The following PKD1 variants were observed in gnomAD, a reference collection of about 807,000 sequenced individuals.
PKD1 encodes polycystin-1.
A neutral mutation model predicts 361.7 loss-of-function variants in PKD1; 81 were observed. The ratio of observed to expected loss-of-function variants is 0.22; its 90% CI spans 0.19 to 0.27. The LOEUF is 0.27. Among genes scored for constraint, PKD1 ranks in the 10% least tolerant of loss-of-function variants. The pLI, the probability that PKD1 is intolerant of heterozygous loss-of-function variation, is 1.00. For missense variants in PKD1, 6,399 were observed against 6,118.3 expected, an observed-to-expected ratio of 1.05 and a Z score of -1.53; for synonymous variants, 3,615 against 2,818.3, an observed-to-expected ratio of 1.28 and a Z score of -8.95.
intron 1 of PKD1, among the ~76,000 whole-genome samples, chr16:2,133,406 C>A (rs932867912): frequency 6.8e-5 from 10 of 147,914 alleles, no homozygotes; most frequent in Admixed American, 4.7e-4. Context: ...CCTGCGTGAG[C>A]CCCCCAGGAA....
At chr16:2,130,908 G>A (rs551113448) in intron 1 of PKD1, among the ~76,000 whole-genome samples, 52 of 152,328 alleles carry the variant, frequency 3.4e-4, no homozygotes, top group Non-Finnish European at 5.9e-4. Flanking sequence ...TTGCGAGACA[G>A]CAGCAGACCC....
In PKD1 at chr16:2,090,686, C is replaced by T. The variant is rs758547554; in HGVS notation, c.12126G>A (p.Gln4042=). The change falls in exon 44 of 46, where the codon CAG becomes CAA. Residue 4042 remains glutamine (Q), a synonymous_variant. Transcript: ENST00000262304. ...GLVVLGVAYA[Q]LAILLVSSCV... ...CGCAGTCACCTACCAGGATGGCCAG[C>T]TGGGCGTAGGCTACCCCGAGCACCA... 7.4e-6 allele frequency: 12 copies of T among 1,612,158 alleles called. No homozygotes were observed. The highest frequency in any genetic ancestry group is 2.7e-5 in the African/African-American group (2 of 74,922).
intron 23 of PKD1, 117 bp from the exon 24 acceptor site, chr16:2,103,087 C>G (rs909638626): frequency 6.1e-6 from 8 of 1,317,912 alleles, no homozygotes; most frequent in Non-Finnish European, 2.1e-6. Context: ...ATAGGAGCCT[C>G]TGCACCAGAG....
Position 2,133,991 on chromosome 16 carries a change from G to A in PKD1, c.215+1484C>T, listed in dbSNP as rs578046392. On this transcript the variant is annotated intron_variant, in intron 1 of 45. Coordinates refer to ENST00000262304, the MANE Select transcript of PKD1 (RefSeq NM_001009944.3). ...CAGCTCCTGAGGGGCTGCTCTCATG[G>A]ACACCATCAGGTGCTGGGAAGCAGG... Among the ~76,000 whole-genome samples the A allele has an allele frequency of 1.2e-4, 18 of 149,088 alleles. 1 individual carries two copies. In the South Asian group the frequency reaches 3.7e-3, roughly 31 times the overall value.
rs141274774 is a variant in PKD1, at chr16:2,111,112, C to T, written c.4055G>A (p.Ser1352Asn). Reference protein sequence around the residue: ...CPTVTHNFTRSGTFPLALVLS... With the variant: ...CPTVTHNFTRNGTFPLALVLS... Reference sequence around the variant, plus strand: ...CACCAGCGCCAGGGGGAACGTGCCGCTCCGCGTGAAGTTGTGTGTCACCGT... The same window carrying T: ...CACCAGCGCCAGGGGGAACGTGCCGTTCCGCGTGAAGTTGTGTGTCACCGT... The change falls in exon 15 of 46, where the codon AGC (serine) becomes AAC (asparagine). Residue 1352 changes from serine (S) to asparagine (N), a missense_variant. Physicochemically the swap from Ser to Asn is conservative, Grantham distance 46. Coordinates refer to ENST00000262304, the MANE Select transcript of PKD1 (RefSeq NM_001009944.3). The T allele has an allele frequency of 1.1e-3, 1,709 of 1,610,832 alleles. 2 individuals carry two copies. The highest frequency in any genetic ancestry group is 1.4e-3 in the Non-Finnish European group (1,609 of 1,179,778).
At position 2,104,622 on chromosome 16, in the gene PKD1, T is replaced by C. The variant is rs139752541; in HGVS notation, c.8037A>G (p.Val2679=). 2,689 of 1,575,952 alleles carry C rather than the reference T, an allele frequency of 1.7e-3. 42 individuals are homozygous for C. In the African/African-American group the frequency reaches 0.031, roughly 18 times the overall value. Residue 2679 remains valine, a synonymous_variant, in exon 22 of 46, where the codon GTA becomes GTG. Coordinates refer to ENST00000262304, the MANE Select transcript of PKD1 (RefSeq NM_001009944.3). ...AQCMGPSREL[V]CRSCLKQTLH... ...GCGTCTGCTTCAGGCACGAGCGGCA[T>C]ACGAGCTCCCTGCTGGGCCCCTGTG...
chr16:2,117,179 G>C, intron 6 of PKD1, 126 bp from the exon 7 acceptor site: 1 of 661,044 alleles, frequency 1.5e-6, no homozygotes, highest in Non-Finnish European at 2.6e-6. Context: ...CTCAGAGCCC[G>C]GAGACCAGGG....
At chr16:2,104,260 G>A (rs1287056368) in intron 22 of PKD1, among the ~76,000 whole-genome samples, 1 of 57,326 alleles carries the variant, frequency 1.7e-5, no homozygotes, top group Non-Finnish European at 3.5e-5. Context: ...CAAAAGGACG[G>A]GGAGGACGGG....
chr16:2,105,231 T>A lies in PKD1; in HGVS notation c.8016+91A>T, dbSNP rs1284435917. On this transcript the variant is annotated intron_variant, in intron 21 of 45. Transcript: ENST00000262304. The stretch of plus-strand genomic sequence containing the variant: ...AAGGAGCCCAGGCTGGAGGCTCAGC[T>A]CCTCGGCCAAGCTGCCCGTCTGCCC... 5 of 1,298,856 alleles carry A rather than the reference T, an allele frequency of 3.8e-6. No homozygotes were observed. The African/African-American group carries it at 4.6e-5, about 12-fold the overall frequency. The allele number at this position is 1,298,856 out of a possible 1,614,324, so 80.5% of individuals were successfully genotyped here. A position where few individuals can be genotyped will look rare whatever the true frequency, so the allele number is the denominator to read the frequency against.
chr16:2,119,424 C>G (rs1334752572), intron 1 of PKD1, 46 bp from the exon 2 acceptor site: 2 of 1,306,002 alleles, frequency 1.5e-6, no homozygotes, highest in African/African-American at 2.9e-5. Context: ...CCCTAGTAGG[C>G]CAGAGGCCAT....
In PKD1 at chr16:2,105,412, T is replaced by C. The variant is rs1160768542; in HGVS notation, c.7926A>G (p.Ile2642Met). Residue 2642 changes from isoleucine (I) to methionine (M), a missense_variant, in exon 21 of 46, where the codon ATA becomes ATG. Physicochemically the swap from Ile to Met is conservative, Grantham distance 10. Transcript: ENST00000262304. ...CCAGAGTCTCCGTGATGTTCTTGCG[T>C]ATCTGGGCTCGGTGCTGCCGCTCGT... ...PKHERQHRAQIRKNITETLVS... is the reference protein window; with the variant it reads ...PKHERQHRAQMRKNITETLVS... 6 of 1,585,094 alleles carry C rather than the reference T, an allele frequency of 3.8e-6. No individual in the cohort carries two copies. The highest frequency in any genetic ancestry group is 1.7e-5 in the Admixed American group (1 of 59,960).
chr16:2,130,945 C>T (rs1285141218), intron 1 of PKD1, among the ~76,000 whole-genome samples: 1 of 152,330 alleles, frequency 6.6e-6, no homozygotes, highest in South Asian at 2.1e-4. Flanking sequence ...GGGTGAGTGG[C>T]AACCAGCACC....
intron 1 of PKD1, among the ~76,000 whole-genome samples, chr16:2,134,707 G>C (rs1299202573): frequency 6.7e-6 from 1 of 148,256 alleles, no homozygotes; most frequent in Admixed American, 6.7e-5. Flanking sequence ...CGGATGGTCA[G>C]AGTCAGGATT....
rs768469190 is a variant in PKD1, at chr16:2,103,116, T to C, written c.8792-146A>G. On this transcript the variant is annotated intron_variant, in intron 23 of 45. Coordinates refer to ENST00000262304, the MANE Select transcript of PKD1 (RefSeq NM_001009944.3). Reference sequence around the variant, plus strand: ...ACCAGAGCTGGCACCTGCTTCTCCGTGGCCCCCAGCTCCTCTCTGGCCAGG... The same window carrying C: ...ACCAGAGCTGGCACCTGCTTCTCCGCGGCCCCCAGCTCCTCTCTGGCCAGG... 609 of 1,272,748 alleles carry C rather than the reference T, an allele frequency of 4.8e-4. 2 individuals are homozygous for C. The highest frequency in any genetic ancestry group is 9.1e-4 in the South Asian group (72 of 79,078). The allele number at this position is 1,272,748 out of a possible 1,614,324, so 78.8% of individuals were successfully genotyped here.
chr16:2,095,819 C>T (rs754744378), intron 34 of PKD1, among the ~76,000 whole-genome samples: 10 of 152,198 alleles, frequency 6.6e-5, no homozygotes, highest in Non-Finnish European at 1.2e-4. Flanking sequence ...GAAATCCCCG[C>T]GGAAGCACTG....
rs371552523 is a variant in PKD1 at position 2,093,589 on chromosome 16, G to A, written c.10971C>T (p.Ala3657=). The A allele has an allele frequency of 8.1e-6, 13 of 1,608,368 alleles. No homozygotes were observed. The African/African-American group carries it at 1.2e-4, about 15-fold the overall frequency. ...RPPHGFALFL[A]KEEARKVKRL... is the part of the protein sequence containing the mutation. ...TCTTGACCTTGCGGGCTTCTTCCTT[G>A]GCCAGGAAGAGTGCAAAGCCGTGGG... is the stretch of plus-strand genomic sequence containing the variant. Residue 3657 remains alanine, a synonymous_variant, in exon 37 of 46, where the codon GCC becomes GCT. Coordinates refer to ENST00000262304, the MANE Select transcript of PKD1 (RefSeq NM_001009944.3).
chr16:2,096,270 C>T (rs1459314719), intron 34 of PKD1, among the ~76,000 whole-genome samples: 1 of 152,238 alleles, frequency 6.6e-6, no homozygotes, highest in African/African-American at 2.4e-5. Context: ...TCCGGGGCAC[C>T]GCACCTGCAC....
chr16:2,111,321 G>T lies in PKD1; in HGVS notation c.3846C>A (p.His1282Gln). 5 of 1,608,874 alleles carry T rather than the reference G, an allele frequency of 3.1e-6. No homozygotes were observed. The highest frequency in any genetic ancestry group is 4.2e-6 in the Non-Finnish European group (5 of 1,178,982). ...VTVGAASPAG[H>Q]LARSLHVLVF... ...CCAGCACGTGCAGGCTCCGGGCCAG[G>T]TGGCCGGCGGGGCTGGCCGCACCCA... Residue 1282 changes from histidine (H) to glutamine (Q), a missense_variant, in exon 15 of 46, where the codon CAC becomes CAA. Coordinates refer to ENST00000262304, the MANE Select transcript of PKD1 (RefSeq NM_001009944.3).
chr16:2,109,273 A>G lies in PKD1; in HGVS notation c.5894T>C (p.Ile1965Thr), dbSNP rs571415230. The G allele has an allele frequency of 6.3e-7, 1 of 1,584,478 alleles. No homozygotes were observed. Among genetic ancestry groups the G allele is most frequent in the African/African-American group, 1.3e-5 (1 of 74,592 alleles). Residue 1965 changes from isoleucine to threonine, a missense_variant, in exon 15 of 46, where the codon ATC becomes ACC. By Grantham distance (89) the Ile-to-Thr change is moderately conservative. Coordinates refer to ENST00000262304, the MANE Select transcript of PKD1 (RefSeq NM_001009944.3). Reference sequence around the variant, plus strand: ...CCCACTCACGGCCTCCAGCACCACGATGCGCACCTGCGCCTGGGCCCAGCT... The same window carrying G: ...CCCACTCACGGCCTCCAGCACCACGGTGCGCACCTGCGCCTGGGCCCAGCT... ...HVSWAQAQVR[I>T]VVLEAVSGLQ...
Sources: gnomAD v4.1 joint callset for allele counts (sites outside exome capture counted in the v4.1 genomes callset) on GRCh38, gnomAD v4.1.1 for gene constraint, MANE v1.5 for transcripts, NCBI Gene and HGNC (gene_info 2026-07-23, HGNC 2026-07-21) for gene names.